Variants in RIMBP2 observed in about 807,000 individuals in gnomAD.
The protein encoded by RIMBP2 is RIMS binding protein 2, also known as RIMS-binding protein 2.
In RIMBP2, 48 loss-of-function variants were observed where a neutral mutation model predicts 118.6. The ratio of observed to expected loss-of-function variants is 0.40; its 90% CI spans 0.32 to 0.51. RIMBP2 has a LOEUF of 0.51. Ranked by LOEUF, RIMBP2 falls within the 20% of genes least tolerant of loss-of-function variation. RIMBP2 has a pLI of 0.41. For synonymous variants in RIMBP2, 762 were observed against 742.9 expected, an observed-to-expected ratio of 1.03 and a Z score of -0.42; for missense variants, 1,551 against 1,768.3, an observed-to-expected ratio of 0.88 and a Z score of 2.20.
At position 130,442,124 on chromosome 12, in the gene RIMBP2, C is replaced by T. The variant is rs2078184528; in HGVS notation, c.1228G>A (p.Ala410Thr). 6.2e-7 allele frequency: 1 copy of T among 1,614,020 alleles called. No individual in the cohort carries two copies. Among genetic ancestry groups the T allele is most frequent in the Admixed American group, 1.7e-5 (1 of 59,994 alleles). Reference sequence around the variant, plus strand: ...TTGTCCACCCGCAGGTGGGAGGGGGCCACCACCACGTCCTTGCCCACCAGC... The same window carrying T: ...TTGTCCACCCGCAGGTGGGAGGGGGTCACCACCACGTCCTTGCCCACCAGC... ...TLLVGKDVVV[A>T]PSHLRVDNIT... Residue 410 changes from alanine to threonine, a missense_variant, in exon 11 of 23, where the codon GCC becomes ACC. Around this residue, in one of 5 missense-constraint regions of RIMBP2, gnomAD observed 265 missense variants for 349.5 expected, o/e 0.76. Transcript: ENST00000690449. This position sits in a 1 kb window ranked among gnomAD's most constrained non-coding sequence, Gnocchi z 6.9.
chr12:130,671,167 C>A (rs1414833917), intron 1 of RIMBP2, among the ~76,000 whole-genome samples: 1 of 152,030 alleles, frequency 6.6e-6, no homozygotes, highest in African/African-American at 2.4e-5. Context: ...GCTACAGCAA[C>A]CATTTTGTGA....
intron 4 of RIMBP2, among the ~76,000 whole-genome samples, chr12:130,496,643 C>T (rs2049190604): frequency 6.7e-6 from 1 of 150,134 alleles, no homozygotes; most frequent in Non-Finnish European, 1.5e-5. Flanking sequence ...ATGTCGGGCC[C>T]CCAGCAGCTA....
intron 2 of RIMBP2, among the ~76,000 whole-genome samples, chr12:130,549,938 T>C (rs1242509336): frequency 2.6e-5 from 4 of 152,106 alleles, no homozygotes; most frequent in African/African-American, 7.2e-5. Context: ...GCCATACTGC[T>C]CTCTACAATG....
chr12:130,451,261 CT>C lies in RIMBP2; in HGVS notation c.437del (p.Glu146GlyfsTer145). 6.2e-7 allele frequency: 1 copy of C among 1,614,214 alleles called. No individual in the cohort carries two copies. The highest frequency in any genetic ancestry group is 8.5e-7 in the Non-Finnish European group (1 of 1,180,032). ...RPLPQPGDRP[E>X]PLSAKPTFLS... Reference sequence around the variant, plus strand: ...GGAAGGTGGGCTTGGCGGACAGAGGCTCCGGCCTGTCACCAGGCTGCGGAAG... The same window carrying C: ...GGAAGGTGGGCTTGGCGGACAGAGGCCCGGCCTGTCACCAGGCTGCGGAAG... On this transcript the variant is annotated frameshift_variant, in exon 8 of 23. Coordinates refer to ENST00000690449, the MANE Select transcript of RIMBP2 (RefSeq NM_001393629.1). LOFTEE classifies it high-confidence loss of function.
chr12:130,493,005 C>T (rs115363783), intron 4 of RIMBP2, among the ~76,000 whole-genome samples: 2 of 152,078 alleles, frequency 1.3e-5, no homozygotes, highest in African/African-American at 4.8e-5. Flanking sequence ...GTGGCAAACA[C>T]CTGTAGTCCC....
intron 1 of RIMBP2, among the ~76,000 whole-genome samples, chr12:130,675,872 C>T (rs76068938): frequency 0.036 from 5,531 of 152,292 alleles, 99 homozygotes; most frequent in East Asian, 0.06. Flanking sequence ...GTGGGACCCC[C>T]GGCTAGACCT....
chr12:130,699,544 C>G (rs2065741343), intron 1 of RIMBP2, among the ~76,000 whole-genome samples: 1 of 124,416 alleles, frequency 8.0e-6, no homozygotes, highest in Non-Finnish European at 1.5e-5. Context: ...CACATGGACA[C>G]AGGAAGGGGA....
intron 2 of RIMBP2, among the ~76,000 whole-genome samples, chr12:130,601,950 C>T (rs1385603440): frequency 6.6e-6 from 1 of 152,182 alleles, no homozygotes; most frequent in Non-Finnish European, 1.5e-5. Flanking sequence ...CTCCTTATCA[C>T]ACCCCCTGCA....
intron 18 of RIMBP2, 22 bp from the exon 19 acceptor site, chr12:130,412,809 A>C (rs1198361151): frequency 1.2e-6 from 2 of 1,600,356 alleles, no homozygotes; most frequent in African/African-American, 2.7e-5. Flanking sequence ...GGGGAAAATA[A>C]ATCAAGCACT....
Position 130,475,732 on chromosome 12 carries a change from GAAGT to G in RIMBP2, c.102+3176_102+3179del, listed in dbSNP as rs2081372248. Among the ~76,000 whole-genome samples, 2 of 152,072 alleles carry G rather than the reference GAAGT, an allele frequency of 1.3e-5. No individual in the cohort carries two copies. The highest frequency in any genetic ancestry group is 4.1e-4 in the South Asian group (2 of 4,822). On this transcript the variant is annotated intron_variant, in intron 5 of 22. Transcript: ENST00000690449. This position sits in a 1 kb window ranked among gnomAD's most constrained non-coding sequence, Gnocchi z 4.1. ...AACAAAGGAATGATGGGTACACAGAGAAGTAAGACAACAAGCAAACAAAAAAGGC... is the reference window on the plus strand; with the variant it reads ...AACAAAGGAATGATGGGTACACAGAGAAGACAACAAGCAAACAAAAAAGGC...
Position 130,458,890 on chromosome 12 carries a change from C to CA in RIMBP2, c.154-2191dup, listed in dbSNP as rs1263700439. Among the ~76,000 whole-genome samples the CA allele has an allele frequency of 4.0e-5, 6 of 151,872 alleles. No homozygotes were observed. In the East Asian group the frequency reaches 1.2e-3, roughly 29 times the overall value. On this transcript the variant is annotated intron_variant, in intron 6 of 22. Transcript: ENST00000690449. ...TGAAACTCAGTCTCTACTAAAAATA[C>CA]AAAATTAGCCGGGCAGGGAGACACG... is the stretch of plus-strand genomic sequence containing the variant.
At chr12:130,682,362 G>A (rs1003672347) in intron 1 of RIMBP2, among the ~76,000 whole-genome samples, 8 of 152,310 alleles carry the variant, frequency 5.3e-5, no homozygotes, top group Admixed American at 2.0e-4. Context: ...GAGTGACCAC[G>A]TGGAGGAAGC....
At chr12:130,430,085 A>G (rs1483910161) in intron 14 of RIMBP2, 1 of 152,246 alleles carries the variant, frequency 6.6e-6, no homozygotes, top group Admixed American at 6.5e-5. Flanking sequence ...TTCTTGGAAT[A>G]GTGTTCTAAG....
intron 1 of RIMBP2, among the ~76,000 whole-genome samples, chr12:130,681,256 C>A (rs1271969560): frequency 5.3e-5 from 8 of 150,710 alleles, no homozygotes; most frequent in Non-Finnish European, 1.0e-4. Flanking sequence ...ACAGCCCAGG[C>A]AATACAGTGA....
intron 7 of RIMBP2, among the ~76,000 whole-genome samples, chr12:130,454,437 G>A (rs1188596701): frequency 6.6e-6 from 1 of 152,252 alleles, no homozygotes; most frequent in East Asian, 1.9e-4. Flanking sequence ...GGTGCTGTGG[G>A]GCAGCTCTCT....
chr12:130,600,585 TGGAA>T lies in RIMBP2; in HGVS notation c.-217+27733_-217+27736del, dbSNP rs1169040146. ...GCCCCAACAGAACCTCCCCTCTGGC[TGGAA>T]GGATGTCAGCCCCAGTGGAACCTCC... is the stretch of plus-strand genomic sequence containing the variant. On this transcript the variant is annotated intron_variant, in intron 2 of 22. Transcript: ENST00000690449. Among the ~76,000 whole-genome samples the T allele has an allele frequency of 5.3e-5, 8 of 149,884 alleles. No homozygotes were observed. The East Asian group carries it at 6.0e-4, about 11-fold the overall frequency.
intron 2 of RIMBP2, among the ~76,000 whole-genome samples, chr12:130,573,489 G>A (rs2057852151): frequency 6.6e-6 from 1 of 152,090 alleles, no homozygotes; most frequent in Non-Finnish European, 1.5e-5. Context: ...AGGTGCGTGT[G>A]CTTACTGGAG....
intron 1 of RIMBP2, among the ~76,000 whole-genome samples, chr12:130,650,491 T>C (rs1288939629): frequency 1.3e-5 from 2 of 152,260 alleles, no homozygotes; most frequent in Non-Finnish European, 2.9e-5. Flanking sequence ...AGGGAAGCCC[T>C]GCCATAGGGC....
intron 9 of RIMBP2, among the ~76,000 whole-genome samples, chr12:130,448,120 T>TTA (rs1386041690): frequency 9.5e-5 from 13 of 137,512 alleles, no homozygotes; most frequent in African/African-American, 3.0e-4. Context: ...GGTGGGTGGT[T>TTA]AAAAAAAAAA....
Sources: gnomAD v4.1 joint callset for allele counts (sites outside exome capture counted in the v4.1 genomes callset) on GRCh38, gnomAD v4.1.1 for gene constraint, gnomAD v4.1.1 regional missense constraint, Gnocchi (gnomAD v3.1) non-coding constraint, MANE v1.5 for transcripts, NCBI Gene and HGNC (gene_info 2026-07-23, HGNC 2026-07-21) for gene names.